TMEM114: variants seen among roughly 807,000 people sequenced by gnomAD.
TMEM114 encodes claudin-26.
A neutral mutation model predicts 6.2 loss-of-function variants in TMEM114; 6 were observed. That is an observed-to-expected ratio of 0.97 (90% confidence interval 0.53 to 1.91). TMEM114 has a LOEUF of 1.91. Among genes scored for constraint, TMEM114 ranks in the 40% most tolerant of loss-of-function variants. TMEM114 has a pLI of 0.01. For missense variants in TMEM114, 218 were observed against 158.3 expected (o/e 1.38, Z -2.02); for synonymous variants, 104 against 73.0 (o/e 1.42, Z -2.16).
At position 8,564,152 on chromosome 16, in the gene TMEM114, A is replaced by T. The variant is rs576028193; in HGVS notation, n.212+25061T>A. Among the ~76,000 whole-genome samples, 27 of 151,408 alleles carry T rather than the reference A, an allele frequency of 1.8e-4. 2 individuals carry two copies. Among genetic ancestry groups the T allele is most frequent in the African/African-American group, 6.1e-4 (25 of 40,684 alleles). ...GAGTTAGTGAATGAGTGAGTGAATG[A>T]GTTAGTGAATGAGTGAGTAAATGAG... On this transcript the variant is annotated intron_variant and non_coding_transcript_variant, in intron 2 of 2. Coordinates refer to the TMEM114 transcript ENST00000623677.
chr16:8,565,837 G>C (rs1039369265), downstream of TMEM114, among the ~76,000 whole-genome samples: 1 of 152,172 alleles, frequency 6.6e-6, no homozygotes, highest in Non-Finnish European at 1.5e-5. Context: ...GGCTCCATTG[G>C]GGCCCCAGTG....
intron 2 of TMEM114, among the ~76,000 whole-genome samples, chr16:8,583,463 G>A (rs992101678): frequency 2.5e-4 from 38 of 152,132 alleles, no homozygotes; most frequent in African/African-American, 9.2e-4. Flanking sequence ...TCACACAGCT[G>A]GCCGAGCACA....
intron 2 of TMEM114, among the ~76,000 whole-genome samples, chr16:8,555,614 G>A (rs994515113): frequency 1.3e-5 from 2 of 152,028 alleles, no homozygotes; most frequent in Non-Finnish European, 2.9e-5. Context: ...TCTGGTCCGG[G>A]GTCCAGTTAT....
chr16:8,554,370 A>G (rs1900941420), intron 2 of TMEM114, among the ~76,000 whole-genome samples: 1 of 152,046 alleles, frequency 6.6e-6, no homozygotes, highest in African/African-American at 2.4e-5. Flanking sequence ...GCAGTGATCT[A>G]TGATTGCACC....
intron 2 of TMEM114, among the ~76,000 whole-genome samples, chr16:8,561,362 C>G (rs751001664): frequency 2.6e-5 from 4 of 152,238 alleles, no homozygotes; most frequent in African/African-American, 4.8e-5. Context: ...TTCCCTGCCA[C>G]CTTCTCCCCA....
chr16:8,560,870 G>A (rs560752113), intron 2 of TMEM114, among the ~76,000 whole-genome samples: 1 of 152,270 alleles, frequency 6.6e-6, no homozygotes, highest in Non-Finnish European at 1.5e-5. Flanking sequence ...CTGAGACTGG[G>A]TAAATTATAA....
chr16:8,552,002 T>C (rs867757569), intron 2 of TMEM114, among the ~76,000 whole-genome samples: 41 of 152,130 alleles, frequency 2.7e-4, no homozygotes, highest in African/African-American at 8.5e-4. Context: ...TATTGTATGG[T>C]TCCATTTATA....
At chr16:8,563,629 GTGAA>G (rs1901376067) in intron 2 of TMEM114, among the ~76,000 whole-genome samples, 2 of 147,440 alleles carry the variant, frequency 1.4e-5, no homozygotes, top group Admixed American at 1.3e-4. Context: ...GAATGAGTGA[GTGAA>G]TGAGTAAATG....
chr16:8,551,507 C>T (rs558252966), intron 2 of TMEM114, among the ~76,000 whole-genome samples: 1 of 152,216 alleles, frequency 6.6e-6, no homozygotes, highest in South Asian at 2.1e-4. Context: ...AAGAAAATTC[C>T]ACAAATAAAC....
At chr16:8,545,445 A>G (rs1352164051) in intron 2 of TMEM114, among the ~76,000 whole-genome samples, 1 of 152,016 alleles carries the variant, frequency 6.6e-6, no homozygotes, top group East Asian at 1.9e-4. Flanking sequence ...AAAATAATCA[A>G]CATCATCATC....
chr16:8,530,870 C>A, the TMEM114 span, among the ~76,000 whole-genome samples: 2 of 151,962 alleles, frequency 1.3e-5, no homozygotes, highest in Admixed American at 6.6e-5. Context: ...ACTAAAAATG[C>A]AAAAATTAGC....
At chr16:8,572,046 C>G in intron 3 of TMEM114, 41 bp downstream of exon 3, 2 of 1,488,530 alleles carry the variant, frequency 1.3e-6, no homozygotes, top group Non-Finnish European at 1.8e-6. Flanking sequence ...TGCCCAACCC[C>G]CAGACCACAA....
chr16:8,530,769 A>C, the TMEM114 span, among the ~76,000 whole-genome samples: 1 of 152,002 alleles, frequency 6.6e-6, no homozygotes, highest in African/African-American at 2.4e-5. Flanking sequence ...CATGCTCATA[A>C]CCCCAGCACT....
At chr16:8,559,611 G>A (rs540411980) in intron 2 of TMEM114, among the ~76,000 whole-genome samples, 107 of 152,262 alleles carry the variant, frequency 7.0e-4, no homozygotes, top group African/African-American at 2.4e-3. Flanking sequence ...TCAAAGCGTT[G>A]TTTCTCTTGT....
At chr16:8,572,280 C>T (rs1243056390) in intron 2 of TMEM114, 56 bp from the exon 3 acceptor site, 38 of 1,546,554 alleles carry the variant, frequency 2.5e-5, no homozygotes, top group Non-Finnish European at 3.2e-5. Context: ...ATCCTTCATT[C>T]AATCAACAAA....
At chr16:8,572,028 G>T in intron 3 of TMEM114, 59 bp downstream of exon 3, 4 of 1,472,500 alleles carry the variant, frequency 2.7e-6, no homozygotes, top group Non-Finnish European at 3.6e-6. Flanking sequence ...TTCATACACA[G>T]TACCCATTGC....
At chr16:8,568,901 C>T (rs536194709), downstream of TMEM114, among the ~76,000 whole-genome samples, 12 of 152,342 alleles carry the variant, frequency 7.9e-5, no homozygotes, top group South Asian at 4.1e-4. Context: ...GATGACAACC[C>T]TTCTCTGTCA....
At chr16:8,562,138 GAGTGAGTTAGTGAATA>G (rs1311398627) in intron 2 of TMEM114, among the ~76,000 whole-genome samples, 11 of 151,740 alleles carry the variant, frequency 7.2e-5, no homozygotes, top group East Asian at 1.9e-4. Flanking sequence ...GTGAGTGAAT[GAGTGAGTTAGTGAATA>G]AGTGAGTTAG....
downstream of TMEM114, among the ~76,000 whole-genome samples, chr16:8,534,749 C>T (rs1464600936): frequency 6.6e-6 from 1 of 152,152 alleles, no homozygotes; most frequent in Non-Finnish European, 1.5e-5. Context: ...GGCACATGGT[C>T]AACATTGAAT....
Sources: allele counts gnomAD v4.1 joint callset (sites outside exome capture counted in the v4.1 genomes callset), GRCh38; gene constraint gnomAD v4.1.1; transcripts MANE v1.5; gene names NCBI Gene and HGNC (gene_info 2026-07-23, HGNC 2026-07-21).